The following COBLL1 variants were observed in gnomAD, a reference collection of about 807,000 sequenced individuals.
COBLL1 encodes cordon-bleu WH2 repeat protein like 1.
Under a neutral mutation model 94.8 loss-of-function variants are expected in COBLL1, and 50 were observed. The ratio of observed to expected loss-of-function variants is 0.53; its 90% CI spans 0.42 to 0.67. COBLL1 has a LOEUF of 0.67. Ranked by LOEUF, COBLL1 falls within the 30% of genes least tolerant of loss-of-function variation. The probability of loss-of-function intolerance (pLI) is 0.00; values close to 1 mark genes in which losing one functional copy is unlikely to be tolerated. For missense variants in COBLL1, 1,362 were observed against 1,348.7 expected, an observed-to-expected ratio of 1.01 and a Z score of -0.15; for synonymous variants, 448 against 473.8, an observed-to-expected ratio of 0.95 and a Z score of 0.71.
At chr2:164,695,983 C>T (rs1683924530) in intron 11 of COBLL1, 147 bp from the exon 12 acceptor site, 2 of 645,098 alleles carry the variant, frequency 3.1e-6, no homozygotes, top group African/African-American at 1.9e-5. Context: ...TAGGTAGTAG[C>T]ATACAGAGAA....
rs1034227992 is a variant in COBLL1 at position 164,791,966 on chromosome 2, TG to T, written c.42-48092del. ...ACACATTTGTATTTCAATATTAAAGTGGGTCAGATAAGTGCTCAATTATTTT... is the reference window on the plus strand; with the variant it reads ...ACACATTTGTATTTCAATATTAAAGTGGTCAGATAAGTGCTCAATTATTTT... On this transcript the variant is annotated intron_variant, in intron 2 of 13. Coordinates refer to ENST00000652658, the MANE Select transcript of COBLL1 (RefSeq NM_001365672.2). Among the ~76,000 whole-genome samples the T allele has an allele frequency of 5.3e-5, 8 of 152,004 alleles. 1 individual carries two copies. The highest frequency in any genetic ancestry group is 1.4e-4 in the African/African-American group (6 of 41,478).
At chr2:164,802,378 A>G (rs73968267) in intron 2 of COBLL1, among the ~76,000 whole-genome samples, 1 of 152,232 alleles carries the variant, frequency 6.6e-6, no homozygotes, top group Non-Finnish European at 1.5e-5. Flanking sequence ...ATGTAGGCTA[A>G]GATTGAACAA....
intron 2 of COBLL1, among the ~76,000 whole-genome samples, chr2:164,805,896 A>G (rs185241046): frequency 6.6e-6 from 1 of 152,300 alleles, no homozygotes; most frequent in Non-Finnish European, 1.5e-5. Flanking sequence ...TAGTTTTGTA[A>G]GAAACTACCA....
chr2:164,790,368 A>G (rs1683126857), intron 2 of COBLL1, among the ~76,000 whole-genome samples: 1 of 152,190 alleles, frequency 6.6e-6, no homozygotes, highest in Non-Finnish European at 1.5e-5. Flanking sequence ...CTAAACGGGA[A>G]TAAATAGGTA....
Position 164,695,369 on chromosome 2 carries a change from C to G in COBLL1, c.2023G>C (p.Asp675His). 6.2e-7 allele frequency: 1 copy of G among 1,613,944 alleles called. No individual in the cohort carries two copies. Among genetic ancestry groups the G allele is most frequent in the South Asian group, 1.1e-5 (1 of 91,070 alleles). The change falls in exon 12 of 14, where the codon GAT becomes CAT. Residue 675 changes from aspartate (D) to histidine (H), a missense_variant. Transcript: ENST00000652658. ...TCATTACCATGTGCACAAATTGGAT[C>G]TTTTACGGTAAGCGGATCTTCTGAA... is the stretch of plus-strand genomic sequence containing the variant. ...IHSEDPLTVK[D>H]PICAHGNDDL... is the part of the protein sequence containing the mutation.
rs1302629135 is a variant in COBLL1 at position 164,680,818 on chromosome 2, A to G, written c.*5128T>C. 1 of 152,142 alleles carries G rather than the reference A, an allele frequency of 6.6e-6. No individual in the cohort carries two copies. The highest frequency in any genetic ancestry group is 1.5e-5 in the Non-Finnish European group (1 of 68,020). 9.4% of individuals were successfully genotyped at this position (152,142 alleles called of 1,614,324 possible). Reference sequence around the variant, plus strand: ...CTGGGCATTCTGTATTTTATCTTGCAATCCTGTGAAATAGACAAATTTAAT... The same window carrying G: ...CTGGGCATTCTGTATTTTATCTTGCGATCCTGTGAAATAGACAAATTTAAT... On this transcript the variant is annotated 3_prime_UTR_variant, in exon 14 of 14. Transcript: ENST00000652658.
intron 2 of COBLL1, among the ~76,000 whole-genome samples, chr2:164,783,698 GA>G (rs138279043): frequency 0.016 from 2,494 of 152,218 alleles, 65 homozygotes; most frequent in African/African-American, 0.057. Context: ...CAGGCGCAGT[GA>G]TTCATGCCTA....
chr2:164,659,420 T>C (rs1558899893), intron 2 of COBLL1, among the ~76,000 whole-genome samples: 1 of 152,224 alleles, frequency 6.6e-6, no homozygotes, highest in Non-Finnish European at 1.5e-5. Context: ...CTTTTCTTCA[T>C]TGTCTGGAAG....
At chr2:164,664,327 T>C (rs1691118884) in intron 2 of COBLL1, among the ~76,000 whole-genome samples, 1 of 152,254 alleles carries the variant, frequency 6.6e-6, no homozygotes. Context: ...TCTTTCCTAA[T>C]AGCTAGTATT....
chr2:164,716,212 T>C (rs1347902883), intron 7 of COBLL1, among the ~76,000 whole-genome samples: 1 of 152,200 alleles, frequency 6.6e-6, no homozygotes, highest in Non-Finnish European at 1.5e-5. Flanking sequence ...TTTAAGTCAA[T>C]GTAATCGAAT....
chr2:164,807,722 TCTC>T (rs1382045509), intron 2 of COBLL1, among the ~76,000 whole-genome samples: 1 of 152,230 alleles, frequency 6.6e-6, no homozygotes, highest in African/African-American at 2.4e-5. Flanking sequence ...ATTTAATTAT[TCTC>T]CTATTAGCTT....
At chr2:164,669,419 T>C (rs1184885069) in intron 1 of COBLL1, among the ~76,000 whole-genome samples, 5 of 152,226 alleles carry the variant, frequency 3.3e-5, no homozygotes, top group Non-Finnish European at 7.3e-5. Context: ...CTTGTCCACT[T>C]ATGTTTCCAA....
downstream of COBLL1, among the ~76,000 whole-genome samples, chr2:164,676,687 T>C (rs1043062279): frequency 4.7e-4 from 71 of 151,502 alleles, no homozygotes; most frequent in African/African-American, 1.7e-3. Context: ...CTTTTTTTTT[T>C]TCCCCCCCTT....
chr2:164,678,385 T>C (rs1029137043), downstream of COBLL1, among the ~76,000 whole-genome samples: 2 of 152,066 alleles, frequency 1.3e-5, no homozygotes, highest in African/African-American at 4.8e-5. Flanking sequence ...GTTAAAAAAT[T>C]TGACTATTCA....
chr2:164,815,922 T>C (rs1684719084), intron 2 of COBLL1, among the ~76,000 whole-genome samples: 1 of 151,964 alleles, frequency 6.6e-6, no homozygotes, highest in East Asian at 1.9e-4. Context: ...TCTTAGACCA[T>C]CGAAATCCTA....
intron 2 of COBLL1, among the ~76,000 whole-genome samples, chr2:164,784,965 G>A (rs1688886050): frequency 6.6e-6 from 1 of 152,052 alleles, no homozygotes; most frequent in African/African-American, 2.4e-5. Flanking sequence ...TTTAGGTCAC[G>A]AGGGCTCCAT....
At chr2:164,686,438 G>A (rs976697642) in intron 13 of COBLL1, among the ~76,000 whole-genome samples, 1 of 152,066 alleles carries the variant, frequency 6.6e-6, no homozygotes, top group African/African-American at 2.4e-5. Flanking sequence ...TACAAGTTTT[G>A]TACTGATGGT....
chr2:164,731,153 A>C (rs1191289604), intron 3 of COBLL1, among the ~76,000 whole-genome samples: 1 of 152,242 alleles, frequency 6.6e-6, no homozygotes, highest in Non-Finnish European at 1.5e-5. Context: ...CAACAGCAGA[A>C]TGGAGTAGGG....
chr2:164,745,880 C>T (rs73013699), intron 2 of COBLL1, among the ~76,000 whole-genome samples: 1,634 of 152,082 alleles, frequency 0.011, 30 homozygotes, highest in African/African-American at 0.038. Context: ...GAGAAATCAG[C>T]GAATCGACTG....
Sources: gnomAD v4.1 joint callset for allele counts (sites outside exome capture counted in the v4.1 genomes callset) on GRCh38, gnomAD v4.1.1 for gene constraint, MANE v1.5 for transcripts, NCBI Gene and HGNC (gene_info 2026-07-23, HGNC 2026-07-21) for gene names.